MAOA: variants seen among roughly 807,000 people sequenced by gnomAD.
The protein encoded by MAOA is monoamine oxidase A.
A neutral mutation model predicts 42.0 loss-of-function variants in MAOA; 6 were observed. The ratio of observed to expected loss-of-function variants is 0.14; its 90% CI spans 0.08 to 0.28. The LOEUF (loss-of-function observed/expected upper bound fraction) is 0.28, where lower values mean the gene tolerates loss of function less well. MAOA is among the 10% of genes least tolerant of loss of function. MAOA has a pLI of 1.00. For synonymous variants in MAOA, 140 were observed against 154.0 expected (o/e 0.91, Z 0.67); for missense variants, 262 against 422.3 (o/e 0.62, Z 3.33).
At chrX:43,710,600 A>G (rs1217583358) in intron 3 of MAOA, among the ~76,000 whole-genome samples, 2 of 112,519 alleles carry the variant, frequency 1.8e-5, no homozygotes, top group Non-Finnish European at 3.7e-5. Context: ...TACTGGTAGA[A>G]AAGATTTTGG....
At chrX:43,655,231 A>G (rs1296473953), upstream of MAOA, 2 of 103,335 alleles carry the variant, frequency 1.9e-5, no homozygotes, top group Non-Finnish European at 4.0e-5. Context: ...GGCCCGCCCG[A>G]AGCCGGGGGC....
intron 2 of MAOA, among the ~76,000 whole-genome samples, chrX:43,690,744 G>C (rs1181746463): frequency 9.7e-6 from 1 of 103,605 alleles, no homozygotes; most frequent in African/African-American, 3.3e-5. Flanking sequence ...ATAAAGATAA[G>C]CTTTTTTTTT....
intron 1 of MAOA, among the ~76,000 whole-genome samples, chrX:43,681,878 A>ATATAT (rs2033445770): frequency 1.2e-5 from 1 of 80,385 alleles, no homozygotes; most frequent in African/African-American, 5.2e-5. Context: ...ATATATATAT[A>ATATAT]TATTTTTTTT....
At chrX:43,732,031 G>T (rs895233709) in intron 8 of MAOA, among the ~76,000 whole-genome samples, 178 bp downstream of exon 8, 1 of 111,647 alleles carries the variant, frequency 9.0e-6, no homozygotes, top group Non-Finnish European at 1.9e-5. Flanking sequence ...GACCCCAAGA[G>T]CACTTGTTGG....
intron 1 of MAOA, among the ~76,000 whole-genome samples, chrX:43,673,376 C>T (rs2033356179): frequency 9.2e-6 from 1 of 109,114 alleles, no homozygotes; most frequent in African/African-American, 3.3e-5. Flanking sequence ...TTTGTTGATC[C>T]TTTCAAAAAA....
intron 3 of MAOA, among the ~76,000 whole-genome samples, chrX:43,706,095 A>G (rs1212402460): frequency 8.9e-6 from 1 of 112,342 alleles, no homozygotes; most frequent in Non-Finnish European, 1.9e-5. Flanking sequence ...AGTGACTACT[A>G]ATAATTAAGG....
chrX:43,673,777 G>A (rs1283507255), intron 1 of MAOA, among the ~76,000 whole-genome samples: 1 of 111,997 alleles, frequency 8.9e-6, no homozygotes, highest in Non-Finnish European at 1.9e-5. Context: ...TCTTAATCCT[G>A]AGTTCTAGTT....
chrX:43,705,212 T>C lies in MAOA; in HGVS notation c.307-6660T>C, dbSNP rs2033650528. ...CTGATTTCAAAAATTACTATGAAGC[T>C]AGTGTGCTAAAACAATGTGTACTTG... On this transcript the variant is annotated intron_variant, in intron 3 of 14. Transcript: ENST00000338702. 2.7e-5 allele frequency among the ~76,000 whole-genome samples: 3 copies of C among 112,241 alleles called. No homozygotes were observed. In the South Asian group the frequency reaches 1.1e-3, roughly 41 times the overall value.
At chrX:43,703,325 T>C (rs1442396517) in intron 3 of MAOA, among the ~76,000 whole-genome samples, 1 of 111,876 alleles carries the variant, frequency 8.9e-6, no homozygotes, top group Non-Finnish European at 1.9e-5. Context: ...CTCTACCTGC[T>C]CTTATGTACT....
At chrX:43,696,730 C>T (rs1178618703) in intron 3 of MAOA, among the ~76,000 whole-genome samples, 10 of 101,117 alleles carry the variant, frequency 9.9e-5, no homozygotes, top group African/African-American at 2.9e-4. Context: ...AGCGAGACTC[C>T]GTCTCAAAAA....
intron 6 of MAOA, among the ~76,000 whole-genome samples, chrX:43,730,726 TGACTAGTAG>T (rs944805124): frequency 3.6e-5 from 4 of 110,503 alleles, no homozygotes; most frequent in African/African-American, 1.3e-4. Context: ...CATTTGGTGG[TGACTAGTAG>T]GACTAGTAGG....
chrX:43,658,377 GA>G (rs1246851495), intron 1 of MAOA, among the ~76,000 whole-genome samples: 2 of 111,666 alleles, frequency 1.8e-5, no homozygotes, highest in Non-Finnish European at 3.8e-5. Flanking sequence ...TAGCAGAGGT[GA>G]AATTACCATG....
intron 5 of MAOA, among the ~76,000 whole-genome samples, chrX:43,723,684 C>T (rs1217228191): frequency 9.0e-6 from 1 of 111,585 alleles, no homozygotes; most frequent in African/African-American, 3.3e-5. Context: ...ATTTCTTTCT[C>T]TTGTGTGATT....
At chrX:43,719,160 A>C (rs1465411675) in intron 5 of MAOA, among the ~76,000 whole-genome samples, 1 of 110,937 alleles carries the variant, frequency 9.0e-6, no homozygotes, top group Non-Finnish European at 1.9e-5. Flanking sequence ...TCTTTCAGGA[A>C]TGTGGTATAG....
intron 3 of MAOA, among the ~76,000 whole-genome samples, chrX:43,702,953 T>G (rs1428456347): frequency 9.0e-6 from 1 of 111,397 alleles, no homozygotes; most frequent in African/African-American, 3.3e-5. Flanking sequence ...GTGACAAAAG[T>G]GGACCCTGGG....
chrX:43,740,993 C>A (rs745820865), intron 11 of MAOA, among the ~76,000 whole-genome samples: 1 of 111,342 alleles, frequency 9.0e-6, no homozygotes, highest in South Asian at 3.8e-4. Context: ...TAATGAGAGC[C>A]TAGAGCTGCA....
rs778712746 is a variant in MAOA at position 43,685,756 on chromosome X, G to A, written c.168+2149G>A. ...ACTGCTGAATCTGGATCTGCATTTTGACAACATCTCCAGGGGACACTATAG... is the reference window on the plus strand; with the variant it reads ...ACTGCTGAATCTGGATCTGCATTTTAACAACATCTCCAGGGGACACTATAG... On this transcript the variant is annotated intron_variant, in intron 2 of 14. Coordinates refer to ENST00000338702, the MANE Select transcript of MAOA (RefSeq NM_000240.4). Among the ~76,000 whole-genome samples, 5 of 111,746 alleles carry A rather than the reference G, an allele frequency of 4.5e-5. No individual in the cohort carries two copies. In the East Asian group the frequency reaches 1.4e-3, roughly 32 times the overall value.
chrX:43,665,523 C>T (rs1469555365), intron 1 of MAOA, among the ~76,000 whole-genome samples: 4 of 111,000 alleles, frequency 3.6e-5, no homozygotes, highest in East Asian at 5.6e-4. Flanking sequence ...AAGATTGGGG[C>T]GAATAATGAA....
intron 10 of MAOA, among the ~76,000 whole-genome samples, 199 bp downstream of exon 10, chrX:43,736,479 C>T (rs1013991496): frequency 1.8e-5 from 2 of 111,108 alleles, no homozygotes; most frequent in Admixed American, 9.6e-5. Context: ...TTTACATGTT[C>T]GTGTTTATTT....
Sources: allele counts gnomAD v4.1 joint callset (sites outside exome capture counted in the v4.1 genomes callset), GRCh38; gene constraint gnomAD v4.1.1; transcripts MANE v1.5; gene names NCBI Gene and HGNC (gene_info 2026-07-23, HGNC 2026-07-21).